Variants in PRKG1 observed in about 807,000 individuals in gnomAD.
PRKG1 encodes protein kinase cGMP-dependent 1, also known as cGMP-dependent protein kinase 1.
Under a neutral mutation model 88.1 loss-of-function variants are expected in PRKG1, and 35 were observed. The observed-to-expected ratio is 0.40, with a 90% CI of 0.30 to 0.53. The LOEUF (loss-of-function observed/expected upper bound fraction) is 0.53. Ranked by LOEUF, PRKG1 falls within the 20% of genes least tolerant of loss-of-function variation. The probability of loss-of-function intolerance (pLI) is 0.59; values close to 1 mark genes in which losing one functional copy is unlikely to be tolerated. For synonymous variants in PRKG1, 303 were observed against 292.5 expected (o/e 1.04, Z -0.37); for missense variants, 540 against 839.8 (o/e 0.64, Z 4.41).
chr10:51,352,939 T>C (rs78776036), intron 2 of PRKG1, among the ~76,000 whole-genome samples: 1 of 150,682 alleles, frequency 6.6e-6, no homozygotes, highest in African/African-American at 2.4e-5. Flanking sequence ...AACAACAAAA[T>C]AAAACAGACA....
intron 5 of PRKG1, among the ~76,000 whole-genome samples, chr10:51,975,433 C>T (rs1843807649): frequency 6.6e-6 from 1 of 151,920 alleles, no homozygotes; most frequent in Admixed American, 6.6e-5. Flanking sequence ...GTAATCAAAA[C>T]TGTTGTGGAA....
intron 3 of PRKG1, among the ~76,000 whole-genome samples, chr10:51,480,513 T>A (rs1201430943): frequency 1.3e-5 from 2 of 151,954 alleles, no homozygotes; most frequent in Non-Finnish European, 2.9e-5. Context: ...GAATCATCTT[T>A]GGAAGTAGAA....
At chr10:52,148,624 G>A (rs566628476) in intron 8 of PRKG1, among the ~76,000 whole-genome samples, 23 of 152,280 alleles carry the variant, frequency 1.5e-4, no homozygotes, top group African/African-American at 5.1e-4. Flanking sequence ...AGAGGGAGAA[G>A]AGAAGAATCG....
In PRKG1 at chr10:51,973,915, C is replaced by T. The variant is rs75018565; in HGVS notation, c.762+66345C>T. ...GCTAAGAAGGAATTTTACATTTAAG[C>T]GGTTAAAAAGTCAGAAGAATATGTT... On this transcript the variant is annotated intron_variant, in intron 5 of 17. Coordinates refer to ENST00000373980, the MANE Select transcript of PRKG1 (RefSeq NM_006258.4). Among the ~76,000 whole-genome samples the T allele has an allele frequency of 5.2e-3, 793 of 152,028 alleles. 8 individuals carry two copies. The highest frequency in any genetic ancestry group is 0.017 in the African/African-American group (724 of 41,466).
chr10:51,156,235 T>C (rs1289865664), intron 2 of PRKG1, among the ~76,000 whole-genome samples: 1 of 149,948 alleles, frequency 6.7e-6, no homozygotes, highest in African/African-American at 2.5e-5. Context: ...ATAAAGTCAA[T>C]ACATCTTATG....
At chr10:51,386,917 A>C (rs188798489) in intron 2 of PRKG1, among the ~76,000 whole-genome samples, 22 of 152,300 alleles carry the variant, frequency 1.4e-4, no homozygotes, top group Admixed American at 5.2e-4. Context: ...TTAAGACCTC[A>C]TAAGAAAAGA....
chr10:51,129,821 A>G (rs576845986), intron 1 of PRKG1, among the ~76,000 whole-genome samples: 15 of 152,288 alleles, frequency 9.8e-5, no homozygotes, highest in African/African-American at 3.6e-4. Flanking sequence ...CCCTGAAAGA[A>G]GGGTCACATT....
intron 9 of PRKG1, among the ~76,000 whole-genome samples, chr10:52,218,493 C>G (rs1840168557): frequency 6.6e-6 from 1 of 151,772 alleles, no homozygotes; most frequent in Non-Finnish European, 1.5e-5. Flanking sequence ...CAAGTATGAC[C>G]CAATTTCTTT....
chr10:52,142,274 C>T (rs1249030912), intron 8 of PRKG1, among the ~76,000 whole-genome samples: 12 of 152,068 alleles, frequency 7.9e-5, no homozygotes, highest in Non-Finnish European at 1.3e-4. Flanking sequence ...CCACATTATT[C>T]TGTAAATGAC....
intron 4 of PRKG1, among the ~76,000 whole-genome samples, chr10:51,810,165 A>G (rs7913842): frequency 0.016 from 2,433 of 152,264 alleles, 69 homozygotes; most frequent in African/African-American, 0.054. Flanking sequence ...TTCACCACTG[A>G]GCTTTACATT....
At chr10:51,216,232 T>C (rs933091514) in intron 2 of PRKG1, among the ~76,000 whole-genome samples, 1 of 152,208 alleles carries the variant, frequency 6.6e-6, no homozygotes, top group Non-Finnish European at 1.5e-5. Context: ...TAAAGATAAC[T>C]ACTTGGTAGC....
rs749102311 is a variant in PRKG1 at position 52,290,251 on chromosome 10, C to T, written c.1923C>T (p.Gly641=). The T allele has an allele frequency of 6.2e-7, 1 of 1,613,018 alleles. No homozygotes were observed. The highest frequency in any genetic ancestry group is 8.5e-7 in the Non-Finnish European group (1 of 1,179,394). Residue 641 remains glycine, a synonymous_variant, in exon 17 of 18, where the codon GGC becomes GGT. Coordinates refer to ENST00000373980, the MANE Select transcript of PRKG1 (RefSeq NM_006258.4). ...HKWFEGFNWE[G]LRKGTLTPPI... The stretch of plus-strand genomic sequence containing the variant: ...GGTTTGAGGGCTTTAACTGGGAAGG[C>T]TTAAGAAAAGGTACCTTGACACCTC...
intron 4 of PRKG1, among the ~76,000 whole-genome samples, chr10:51,841,438 T>C (rs1429952346): frequency 6.6e-6 from 1 of 152,216 alleles, no homozygotes; most frequent in Non-Finnish European, 1.5e-5. Context: ...AAGAACATAT[T>C]AAGAAAGCAC....
intron 2 of PRKG1, among the ~76,000 whole-genome samples, chr10:51,192,628 A>G (rs1470703777): frequency 6.6e-6 from 1 of 152,012 alleles, no homozygotes; most frequent in East Asian, 1.9e-4. Context: ...ATAAAAGAAA[A>G]AAACCATGAG....
rs545181369 is a variant in PRKG1 at position 51,106,046 on chromosome 10, T to G, written c.311+31145T>G. 1.1e-4 allele frequency among the ~76,000 whole-genome samples: 16 copies of G among 152,290 alleles called. No homozygotes were observed. In the South Asian group the frequency reaches 3.3e-3, roughly 32 times the overall value. On this transcript the variant is annotated intron_variant, in intron 1 of 17. Transcript: ENST00000373980. Reference sequence around the variant, plus strand: ...ACATGATTTCCACTCTGGGAAAGGATGAAGTAGAAAGTAATTGTTAGGTGA... The same window carrying G: ...ACATGATTTCCACTCTGGGAAAGGAGGAAGTAGAAAGTAATTGTTAGGTGA...
chr10:51,495,133 C>T lies in PRKG1; in HGVS notation c.592+27297C>T, dbSNP rs553911758. ...TTTTTAAGACAGAGTCTCGCTCTGT[C>T]ACCCAGGCTGGAATGCAGTGGCACG... On this transcript the variant is annotated intron_variant, in intron 3 of 17. Transcript: ENST00000373980. Among the ~76,000 whole-genome samples, 16 of 152,104 alleles carry T rather than the reference C, an allele frequency of 1.1e-4. No individual in the cohort carries two copies. In the East Asian group the frequency reaches 3.1e-3, roughly 30 times the overall value.
intron 2 of PRKG1, among the ~76,000 whole-genome samples, chr10:51,306,075 T>C (rs1001908261): frequency 6.6e-6 from 1 of 152,184 alleles, no homozygotes; most frequent in African/African-American, 2.4e-5. Context: ...GACCATTATT[T>C]TACTGAAGAC....
chr10:51,992,510 C>G (rs192186621), intron 5 of PRKG1, among the ~76,000 whole-genome samples: 112 of 151,732 alleles, frequency 7.4e-4, no homozygotes, highest in African/African-American at 2.4e-3. Flanking sequence ...TTCCTATTCC[C>G]ACTTCCCTTC....
At chr10:51,527,872 G>T (rs927204616) in intron 3 of PRKG1, among the ~76,000 whole-genome samples, 1 of 152,120 alleles carries the variant, frequency 6.6e-6, no homozygotes, top group Non-Finnish European at 1.5e-5. Context: ...TAAATGCAGA[G>T]ATAGCCAATA....
Sources: gnomAD v4.1 joint callset for allele counts (sites outside exome capture counted in the v4.1 genomes callset) on GRCh38, gnomAD v4.1.1 for gene constraint, MANE v1.5 for transcripts, NCBI Gene and HGNC (gene_info 2026-07-23, HGNC 2026-07-21) for gene names.